The following DSCAM variants were observed in gnomAD, a reference collection of about 807,000 sequenced individuals.
DSCAM encodes cell adhesion molecule DSCAM.
In DSCAM, 47 loss-of-function variants were observed where a neutral mutation model predicts 217.7. That is an observed-to-expected ratio of 0.22 (90% CI 0.17 to 0.28). DSCAM has a LOEUF of 0.28. DSCAM is among the 10% of genes least tolerant of loss of function. DSCAM has a pLI of 1.00. For missense variants in DSCAM, 2,080 were observed against 2,618.3 expected, an observed-to-expected ratio of 0.79 and a Z score of 4.49; for synonymous variants, 1,056 against 1,015.3, an observed-to-expected ratio of 1.04 and a Z score of -0.76.
Position 40,771,863 on chromosome 21 carries a change from CATTTT to C in DSCAM, c.44-63097_44-63093del, listed in dbSNP as rs1217622926. 4.6e-5 allele frequency among the ~76,000 whole-genome samples: 7 copies of C among 152,264 alleles called. No individual in the cohort carries two copies. The East Asian group carries it at 9.7e-4, about 21-fold the overall frequency. On this transcript the variant is annotated intron_variant, in intron 1 of 32. Transcript: ENST00000400454. ...AAATAGCCAGTTAATTTTACACGCA[CATTTT>C]ATTTTCAGGGAACGTGCGTATGTCG...
intron 27 of DSCAM, among the ~76,000 whole-genome samples, chr21:40,069,301 T>C (rs2089255396): frequency 6.6e-6 from 1 of 152,090 alleles, no homozygotes; most frequent in Non-Finnish European, 1.5e-5. Context: ...GCACCTCTGG[T>C]TGGATGAGGA....
chr21:40,149,485 ACAGCAC>A (rs1354054299), intron 16 of DSCAM, among the ~76,000 whole-genome samples: 3 of 146,472 alleles, frequency 2.0e-5, no homozygotes, highest in Admixed American at 6.7e-5. Flanking sequence ...CCCAACACCA[ACAGCAC>A]TGTCACCACA....
intron 2 of DSCAM, among the ~76,000 whole-genome samples, chr21:40,703,040 A>T (rs1306023989): frequency 6.6e-6 from 1 of 152,156 alleles, no homozygotes; most frequent in Non-Finnish European, 1.5e-5. Flanking sequence ...TTTTTAAAAA[A>T]TCTGATTTAG....
chr21:40,655,614 T>C (rs1173388982), intron 3 of DSCAM, among the ~76,000 whole-genome samples: 1 of 152,078 alleles, frequency 6.6e-6, no homozygotes, highest in Non-Finnish European at 1.5e-5. Flanking sequence ...GGCTAATTTT[T>C]TTCTTTTTTT....
At chr21:40,791,139 A>G (rs1223208173) in intron 1 of DSCAM, among the ~76,000 whole-genome samples, 3 of 150,172 alleles carry the variant, frequency 2.0e-5, no homozygotes, top group African/African-American at 7.3e-5. Flanking sequence ...ACTGGGCAAC[A>G]AAGCGAGACT....
chr21:40,549,274 T>C (rs559199989), intron 3 of DSCAM, among the ~76,000 whole-genome samples: 2 of 152,318 alleles, frequency 1.3e-5, no homozygotes, highest in South Asian at 2.1e-4. Context: ...ATTTAATTTG[T>C]AACATAAACA....
chr21:40,548,807 C>G (rs2076605708), intron 3 of DSCAM, among the ~76,000 whole-genome samples: 1 of 152,118 alleles, frequency 6.6e-6, no homozygotes, highest in African/African-American at 2.4e-5. Context: ...CGTTAGAAGA[C>G]AAATTAACAT....
At chr21:40,601,772 G>A (rs762868559) in intron 3 of DSCAM, among the ~76,000 whole-genome samples, 3 of 152,068 alleles carry the variant, frequency 2.0e-5, no homozygotes, top group Non-Finnish European at 4.4e-5. Flanking sequence ...ATGATCATAT[G>A]ATTTTCATTC....
At position 40,595,373 on chromosome 21, in the gene DSCAM, G is replaced by A. The variant is rs564098205; in HGVS notation, c.508+97437C>T. ...AGCCTGGGTGACAAAGTGAGATCCT[G>A]TCTCAAAAAAAAAGAAAAGAAAAGA... On this transcript the variant is annotated intron_variant, in intron 3 of 32. Transcript: ENST00000400454. Among the ~76,000 whole-genome samples the A allele has an allele frequency of 7.8e-5, 9 of 115,666 alleles. No individual in the cohort carries two copies. The East Asian group carries it at 1.3e-3, about 17-fold the overall frequency. 75.9% of individuals were successfully genotyped at this position (115,666 alleles called of 152,430 possible). A position where few individuals can be genotyped will look rare whatever the true frequency, so the allele number is the denominator to read the frequency against.
rs181888798 is a variant in DSCAM, at chr21:40,153,858, A to G, written c.3019-9127T>C. 1.2e-3 allele frequency among the ~76,000 whole-genome samples: 178 copies of G among 152,302 alleles called. 1 individual carries two copies. The highest frequency in any genetic ancestry group is 4.1e-3 in the African/African-American group (172 of 41,574). On this transcript the variant is annotated intron_variant, in intron 16 of 32. Coordinates refer to ENST00000400454, the MANE Select transcript of DSCAM (RefSeq NM_001389.5). ...CTTTGCTGGGAGAGACTATTTAGTT[A>G]AAAAGCAGCAACTATGCATTCCCCC...
chr21:40,787,861 C>T (rs2091607634), intron 1 of DSCAM, among the ~76,000 whole-genome samples: 1 of 152,166 alleles, frequency 6.6e-6, no homozygotes. Context: ...CTCCACTCCT[C>T]CCCCAATTGT....
At chr21:40,648,754 G>A (rs1400937152) in intron 3 of DSCAM, among the ~76,000 whole-genome samples, 1 of 152,132 alleles carries the variant, frequency 6.6e-6, no homozygotes, top group Non-Finnish European at 1.5e-5. Flanking sequence ...TAGCCACACT[G>A]GGAGATAAAC....
intron 3 of DSCAM, among the ~76,000 whole-genome samples, chr21:40,664,805 G>A (rs1482824201): frequency 1.3e-5 from 2 of 152,218 alleles, no homozygotes; most frequent in South Asian, 2.1e-4. Context: ...GGGCTTGGAT[G>A]TTTGTCCCCT....
At chr21:40,776,705 A>G (rs2091491337) in intron 1 of DSCAM, among the ~76,000 whole-genome samples, 1 of 152,186 alleles carries the variant, frequency 6.6e-6, no homozygotes, top group African/African-American at 2.4e-5. Context: ...AAGGCTGTTC[A>G]GGGCCTTGGG....
At chr21:40,565,600 T>C (rs980756164) in intron 3 of DSCAM, among the ~76,000 whole-genome samples, 1 of 152,184 alleles carries the variant, frequency 6.6e-6, no homozygotes, top group Non-Finnish European at 1.5e-5. Flanking sequence ...AGCTTCTGAA[T>C]TATCATCAGC....
chr21:40,456,152 A>G (rs2075761785), intron 3 of DSCAM, among the ~76,000 whole-genome samples: 2 of 151,950 alleles, frequency 1.3e-5, no homozygotes, highest in Non-Finnish European at 2.9e-5. Context: ...ATAGAGAAGT[A>G]TCATTGCAAG....
intron 1 of DSCAM, among the ~76,000 whole-genome samples, chr21:40,771,832 A>G (rs1433771385): frequency 6.6e-6 from 1 of 152,252 alleles, no homozygotes; most frequent in East Asian, 1.9e-4. Context: ...CTGGGAACTC[A>G]ACCTAAAATA....
chr21:40,789,492 T>C (rs572453098), intron 1 of DSCAM, among the ~76,000 whole-genome samples: 1 of 152,234 alleles, frequency 6.6e-6, no homozygotes, highest in African/African-American at 2.4e-5. Context: ...AGCTGCTTCA[T>C]TATGTCCTGA....
rs554521433 is a variant in DSCAM at position 40,474,288 on chromosome 21, G to A, written c.509-105043C>T. Among the ~76,000 whole-genome samples the A allele has an allele frequency of 1.5e-3, 225 of 150,482 alleles. 2 individuals are homozygous for A. Among genetic ancestry groups the A allele is most frequent in the African/African-American group, 5.2e-3 (212 of 41,026 alleles). On this transcript the variant is annotated intron_variant, in intron 3 of 32. Transcript: ENST00000400454. ...AGCCTGGGTGACAGAGTGAGACTCC[G>A]TCTTCAAAAATATATATAATAAATA...
Sources: allele counts gnomAD v4.1 joint callset (sites outside exome capture counted in the v4.1 genomes callset), GRCh38; gene constraint gnomAD v4.1.1; transcripts MANE v1.5; gene names NCBI Gene and HGNC (gene_info 2026-07-23, HGNC 2026-07-21).